The following TTLL6 variants were observed in gnomAD, a reference collection of about 807,000 sequenced individuals.
The protein encoded by TTLL6 is tubulin tyrosine ligase like 6.
Under a neutral mutation model 96.4 loss-of-function variants are expected in TTLL6, and 75 were observed. The ratio of observed to expected loss-of-function variants is 0.78; its 90% CI spans 0.65 to 0.94. The LOEUF is 0.94. Ranked by LOEUF, TTLL6 falls within the 40% of genes least tolerant of loss-of-function variation. TTLL6 has a pLI of 0.00. For synonymous variants in TTLL6, 411 were observed against 419.4 expected, an observed-to-expected ratio of 0.98 and a Z score of 0.24; for missense variants, 1,030 against 1,093.0, an observed-to-expected ratio of 0.94 and a Z score of 0.81.
Position 48,790,075 on chromosome 17 carries a change from G to A in TTLL6, c.1256C>T (p.Ser419Phe). The change falls in exon 10 of 16, where the codon TCT (serine) becomes TTT (phenylalanine). Residue 419 changes from serine (S) to phenylalanine (F), a missense_variant. Coordinates refer to ENST00000393382, the MANE Select transcript of TTLL6 (RefSeq NM_001130918.3). ...ATCTTTCACCTCTTTATCCAACCGAGAGTCGGTGGAGAAGCTTGGAGAGTG... is the reference window on the plus strand; with the variant it reads ...ATCTTTCACCTCTTTATCCAACCGAAAGTCGGTGGAGAAGCTTGGAGAGTG... ...VNHSPSFSTD[S>F]RLDKEVKDGL... 1.9e-6 allele frequency: 3 copies of A among 1,614,112 alleles called. No homozygotes were observed. Among genetic ancestry groups the A allele is most frequent in the Non-Finnish European group, 2.5e-6 (3 of 1,179,990 alleles).
chr17:48,810,693 A>G (rs1488180129), intron 1 of TTLL6, among the ~76,000 whole-genome samples: 1 of 151,440 alleles, frequency 6.6e-6, no homozygotes, highest in Non-Finnish European at 1.5e-5. Context: ...ACCCTGTCTC[A>G]AAAAACAATC....
chr17:48,791,027 T>C (rs2039210237), intron 9 of TTLL6, among the ~76,000 whole-genome samples: 1 of 152,096 alleles, frequency 6.6e-6, no homozygotes, highest in East Asian at 1.9e-4. Context: ...GCACCGCCGC[T>C]CCTGTCTGAT....
chr17:48,769,286 T>G (rs970328366), intron 14 of TTLL6, 32 bp from the exon 15 acceptor site: 6 of 1,565,972 alleles, frequency 3.8e-6, no homozygotes, highest in Non-Finnish European at 5.2e-6. Context: ...CATCAGCGAT[T>G]TGTGCTGCTG....
chr17:48,812,457 C>T (rs545557504), intron 1 of TTLL6, among the ~76,000 whole-genome samples: 1 of 152,346 alleles, frequency 6.6e-6, no homozygotes, highest in African/African-American at 2.4e-5. Flanking sequence ...TCTGCCACTT[C>T]CTAGTTGTCT....
intron 8 of TTLL6, among the ~76,000 whole-genome samples, chr17:48,791,934 G>A (rs544137780): frequency 7.2e-5 from 11 of 152,302 alleles, no homozygotes; most frequent in African/African-American, 2.6e-4. Context: ...TGACACCATG[G>A]TTTTACTTTG....
At chr17:48,763,540 T>G (rs1955794624) in intron 15 of TTLL6, among the ~76,000 whole-genome samples, 1 of 152,172 alleles carries the variant, frequency 6.6e-6, no homozygotes, top group Non-Finnish European at 1.5e-5. Context: ...CTCATGCCTG[T>G]AATCCCAGCT....
chr17:48,781,188 A>T (rs2038978365), intron 13 of TTLL6, among the ~76,000 whole-genome samples: 1 of 152,014 alleles, frequency 6.6e-6, no homozygotes, highest in African/African-American at 2.4e-5. Flanking sequence ...CTGGCATTAC[A>T]TGTATATGCC....
intron 6 of TTLL6, among the ~76,000 whole-genome samples, chr17:48,799,374 G>T (rs1233007984): frequency 1.3e-5 from 2 of 152,262 alleles, no homozygotes; most frequent in Non-Finnish European, 2.9e-5. Flanking sequence ...AAAAGGGCCA[G>T]CCTGGCAGGG....
At chr17:48,787,172 C>G (rs1238048415) in intron 11 of TTLL6, among the ~76,000 whole-genome samples, 1 of 152,120 alleles carries the variant, frequency 6.6e-6, no homozygotes, top group Non-Finnish European at 1.5e-5. Flanking sequence ...TCTGCCTTCT[C>G]TTTCCACAAA....
Position 48,810,814 on chromosome 17 carries a change from AGTATGTGTGTG to A in TTLL6, c.104-5834_104-5824del, listed in dbSNP as rs1567738231. Among the ~76,000 whole-genome samples the A allele has an allele frequency of 1.1e-3, 53 of 46,776 alleles. 2 individuals are homozygous for A. Among genetic ancestry groups the A allele is most frequent in the African/African-American group, 5.1e-3 (45 of 8,876 alleles). 30.7% of individuals were successfully genotyped at this position (46,776 alleles called of 152,430 possible). ...ATATAGTACATATATACACATATAT[AGTATGTGTGTG>A]TATATATATATATATATATATATAT... On this transcript the variant is annotated intron_variant, in intron 1 of 15. Transcript: ENST00000393382.
Position 48,803,496 on chromosome 17 carries a change from A to AC in TTLL6, c.361+394_361+395insG, listed in dbSNP as rs1321251112. On this transcript the variant is annotated intron_variant, in intron 3 of 15. Transcript: ENST00000393382. ...AAGATTCCGTGTCAAAAAAAAAAAC[A>AC]AAAAAAAAAAACAGCAACAGCAACA... is the stretch of plus-strand genomic sequence containing the variant. 2.9e-3 allele frequency among the ~76,000 whole-genome samples: 423 copies of AC among 144,446 alleles called. 3 individuals are homozygous for AC. Among genetic ancestry groups the AC allele is most frequent in the African/African-American group, 7.2e-3 (282 of 39,386 alleles). The allele number at this position is 144,446 out of a possible 152,430, so 94.8% of individuals were successfully genotyped here.
intron 15 of TTLL6, among the ~76,000 whole-genome samples, chr17:48,766,435 G>T (rs898932578): frequency 6.6e-6 from 1 of 152,210 alleles, no homozygotes; most frequent in Admixed American, 6.5e-5. Flanking sequence ...GTCAATGCAG[G>T]AAGCACTTTA....
At position 48,789,956 on chromosome 17, in the gene TTLL6, G is replaced by T. The variant is rs964998640; in HGVS notation, c.1375C>A (p.Gln459Lys). ...CTCATCTCCCGAGAACAACACTGCTGCAGGAACTGCCCCCGTTGTCTCTCC... is the reference window on the plus strand; with the variant it reads ...CTCATCTCCCGAGAACAACACTGCTTCAGGAACTGCCCCCGTTGTCTCTCC... Reference protein sequence around the residue: ...EEERQRGQFLQQCCSREMRIE... With the variant: ...EEERQRGQFLKQCCSREMRIE... The change falls in exon 10 of 16, where the codon CAG becomes AAG. Residue 459 changes from glutamine to lysine, a missense_variant. By Grantham distance (53) the Gln-to-Lys change is moderately conservative. Coordinates refer to ENST00000393382, the MANE Select transcript of TTLL6 (RefSeq NM_001130918.3). 1.9e-6 allele frequency: 3 copies of T among 1,614,050 alleles called. No individual in the cohort carries two copies. The highest frequency in any genetic ancestry group is 2.5e-6 in the Non-Finnish European group (3 of 1,180,026).
intron 13 of TTLL6, among the ~76,000 whole-genome samples, chr17:48,782,610 T>C (rs1432418750): frequency 6.6e-6 from 1 of 152,248 alleles, no homozygotes; most frequent in Non-Finnish European, 1.5e-5. Context: ...CAAGAAATTA[T>C]GAAGCTGCAA....
intron 10 of TTLL6, among the ~76,000 whole-genome samples, chr17:48,788,409 G>A (rs897966594): frequency 3.9e-5 from 6 of 152,182 alleles, no homozygotes; most frequent in African/African-American, 1.2e-4. Context: ...GACCGTTTAC[G>A]AGCTGCAATG....
intron 15 of TTLL6, among the ~76,000 whole-genome samples, chr17:48,768,373 C>T (rs2038657949): frequency 6.6e-6 from 1 of 152,220 alleles, no homozygotes; most frequent in South Asian, 2.1e-4. Context: ...CGGGTTCAAG[C>T]AATTCTCCTG....
chr17:48,791,287 C>G (rs978726023), intron 9 of TTLL6, 91 bp downstream of exon 9: 1 of 1,186,216 alleles, frequency 8.4e-7, no homozygotes, highest in East Asian at 2.5e-5. Flanking sequence ...GAAGTTGAAA[C>G]AATTTAGGTG....
chr17:48,799,134 C>G (rs936055766), intron 6 of TTLL6, among the ~76,000 whole-genome samples: 2 of 152,182 alleles, frequency 1.3e-5, no homozygotes, highest in African/African-American at 4.8e-5. Context: ...TGCATAGTTG[C>G]AGTTCTACAA....
chr17:48,794,675 C>A (rs1402446366), intron 8 of TTLL6, among the ~76,000 whole-genome samples: 1 of 152,196 alleles, frequency 6.6e-6, no homozygotes, highest in Non-Finnish European at 1.5e-5. Flanking sequence ...CTGCCTCCCA[C>A]CAGCCTTCCA....
Sources: allele counts gnomAD v4.1 joint callset (sites outside exome capture counted in the v4.1 genomes callset), GRCh38; gene constraint gnomAD v4.1.1; transcripts MANE v1.5; gene names NCBI Gene and HGNC (gene_info 2026-07-23, HGNC 2026-07-21).